The following SORCS1 variants were observed in gnomAD, a reference collection of about 807,000 sequenced individuals.
SORCS1 encodes the protein VPS10 domain-containing receptor SorCS1.
SORCS1 carries 60 observed loss-of-function variants against 146.1 expected under a neutral mutation model. The observed-to-expected ratio is 0.41, with a 90% CI of 0.33 to 0.51. The LOEUF is 0.51. SORCS1 is among the 20% of genes least tolerant of loss of function. SORCS1 has a pLI of 0.21. For synonymous variants in SORCS1, 637 were observed against 584.0 expected, an observed-to-expected ratio of 1.09 and a Z score of -1.31; for missense variants, 1,352 against 1,487.6, an observed-to-expected ratio of 0.91 and a Z score of 1.50.
intron 2 of SORCS1, among the ~76,000 whole-genome samples, chr10:106,935,014 A>G (rs1467943859): frequency 1.3e-5 from 2 of 152,170 alleles, no homozygotes; most frequent in Non-Finnish European, 2.9e-5. Context: ...CTTCATCACT[A>G]TACAATTCAT....
intron 1 of SORCS1, among the ~76,000 whole-genome samples, chr10:107,089,168 T>A (rs1232565412): frequency 6.6e-6 from 1 of 152,004 alleles, no homozygotes; most frequent in Non-Finnish European, 1.5e-5. Context: ...AAACCTTTTA[T>A]TTTTTTTAGA....
chr10:107,166,732 T>C (rs1468722499), upstream of SORCS1, among the ~76,000 whole-genome samples: 1 of 152,174 alleles, frequency 6.6e-6, no homozygotes, highest in Non-Finnish European at 1.5e-5. Context: ...TAACCTCCTT[T>C]CCAGTCTGGA....
intron 1 of SORCS1, among the ~76,000 whole-genome samples, chr10:107,004,627 G>T (rs928637167): frequency 2.6e-5 from 4 of 152,016 alleles, no homozygotes; most frequent in Non-Finnish European, 4.4e-5. Context: ...TACAATTCAA[G>T]GTGAGATTTG....
intron 2 of SORCS1, among the ~76,000 whole-genome samples, chr10:106,907,150 T>C (rs1016825886): frequency 2.6e-5 from 4 of 152,208 alleles, no homozygotes; most frequent in African/African-American, 9.6e-5. Context: ...TGCAGAATCT[T>C]TGCAAGATTT....
At chr10:106,923,924 T>C (rs1247131754) in intron 2 of SORCS1, among the ~76,000 whole-genome samples, 1 of 152,190 alleles carries the variant, frequency 6.6e-6, no homozygotes, top group African/African-American at 2.4e-5. Context: ...TTTTCCCCAA[T>C]CTGTGGACTG....
At chr10:107,146,031 T>G (rs916748361) in intron 1 of SORCS1, among the ~76,000 whole-genome samples, 1 of 152,194 alleles carries the variant, frequency 6.6e-6, no homozygotes, top group Non-Finnish European at 1.5e-5. Context: ...CACAGGGAAG[T>G]AGCTCCACAG....
chr10:106,732,207 T>C (rs1371093333), intron 5 of SORCS1, among the ~76,000 whole-genome samples: 8 of 152,214 alleles, frequency 5.3e-5, no homozygotes, highest in Admixed American at 5.2e-4. Context: ...GTTCTTCCCC[T>C]AGGAAGCAGA....
intron 3 of SORCS1, among the ~76,000 whole-genome samples, chr10:106,812,787 G>C (rs1485435018): frequency 6.6e-6 from 1 of 152,050 alleles, no homozygotes; most frequent in African/African-American, 2.4e-5. Context: ...TCTTTTCTAG[G>C]GAGCTGAGAA....
intron 6 of SORCS1, among the ~76,000 whole-genome samples, chr10:106,712,800 G>A (rs1321748700): frequency 6.6e-6 from 1 of 152,106 alleles, no homozygotes; most frequent in African/African-American, 2.4e-5. Flanking sequence ...TCTGAATCAG[G>A]TTCTTTGGCG....
At chr10:106,607,407 C>T in intron 22 of SORCS1, 110 bp from the exon 23 acceptor site, 2 of 1,432,478 alleles carry the variant, frequency 1.4e-6, no homozygotes, top group South Asian at 1.4e-5. Flanking sequence ...CACAAGGGGC[C>T]TGAAAGCAGA....
chr10:107,086,652 G>A (rs1963787107), intron 1 of SORCS1, among the ~76,000 whole-genome samples: 1 of 152,102 alleles, frequency 6.6e-6, no homozygotes, highest in Non-Finnish European at 1.5e-5. Context: ...ACATCATATA[G>A]CCATTAGTTG....
intron 2 of SORCS1, among the ~76,000 whole-genome samples, chr10:106,830,568 T>C (rs551400004): frequency 6.6e-6 from 1 of 151,358 alleles, no homozygotes; most frequent in African/African-American, 2.4e-5. Context: ...CTCAGCTTTT[T>C]TTTTTTTTCC....
At position 106,688,216 on chromosome 10, in the gene SORCS1, C is replaced by T. The variant is rs1426879936; in HGVS notation, c.1536G>A (p.Arg512=). ...CCAGCAAGCAGTGCACGGGGTCCCCCCTTAGATCCGTGTCCGGCGCCTGCA... is the reference window on the plus strand; with the variant it reads ...CCAGCAAGCAGTGCACGGGGTCCCCTCTTAGATCCGTGTCCGGCGCCTGCA... ...RLLQAPDTDL[R]GDPVHCLLPY... The change falls in exon 10 of 26, where the codon AGG becomes AGA. Residue 512 remains arginine, a synonymous_variant. Transcript: ENST00000263054. 1.9e-6 allele frequency: 3 copies of T among 1,613,830 alleles called. No homozygotes were observed. Among genetic ancestry groups the T allele is most frequent in the Admixed American group, 1.7e-5 (1 of 59,986 alleles).
At chr10:106,629,073 AT>A (rs1460420034) in intron 19 of SORCS1, 128 bp downstream of exon 19, 1 of 791,168 alleles carries the variant, frequency 1.3e-6, no homozygotes, top group African/African-American at 1.7e-5. Flanking sequence ...TCTCTTAATC[AT>A]TTCTTCCCCA....
intron 6 of SORCS1, among the ~76,000 whole-genome samples, chr10:106,720,474 G>A (rs566204804): frequency 6.6e-6 from 1 of 150,706 alleles, no homozygotes; most frequent in South Asian, 2.1e-4. Context: ...ATAAATAATA[G>A]GAATATAATG....
At chr10:106,760,552 A>T (rs531102726) in intron 5 of SORCS1, among the ~76,000 whole-genome samples, 1 of 151,758 alleles carries the variant, frequency 6.6e-6, no homozygotes, top group East Asian at 1.9e-4. Context: ...GGGAGTCGTT[A>T]GCAGGAACCA....
At chr10:107,089,884 ACAATACTTATTC>A (rs1964056599) in intron 1 of SORCS1, among the ~76,000 whole-genome samples, 1 of 152,220 alleles carries the variant, frequency 6.6e-6, no homozygotes, top group African/African-American at 2.4e-5. Context: ...CCCATGTCTA[ACAATACTTATTC>A]CATCCAGCAT....
chr10:106,956,091 T>C (rs1246477933), intron 2 of SORCS1, among the ~76,000 whole-genome samples: 2 of 151,286 alleles, frequency 1.3e-5, no homozygotes, highest in Non-Finnish European at 2.9e-5. Flanking sequence ...GATGCGCCAT[T>C]GCACTCCAGC....
At chr10:106,806,239 G>T (rs2136704920) in intron 3 of SORCS1, among the ~76,000 whole-genome samples, 1 of 149,758 alleles carries the variant, frequency 6.7e-6, no homozygotes, top group Admixed American at 6.7e-5. Context: ...GTGGTGGTGT[G>T]AACCTATAGT....
Sources: allele counts gnomAD v4.1 joint callset (sites outside exome capture counted in the v4.1 genomes callset), GRCh38; gene constraint gnomAD v4.1.1; transcripts MANE v1.5; gene names NCBI Gene and HGNC (gene_info 2026-07-23, HGNC 2026-07-21).